Variants in TEAD1 observed in about 807,000 individuals in gnomAD.
The protein encoded by TEAD1 is transcriptional enhancer factor TEF-1.
A neutral mutation model predicts 54.9 loss-of-function variants in TEAD1; 9 were observed. The ratio of observed to expected loss-of-function variants is 0.16; its 90% CI spans 0.10 to 0.29. The LOEUF is 0.29. TEAD1 is among the 10% of genes least tolerant of loss of function. The pLI, the probability that TEAD1 is intolerant of heterozygous loss-of-function variation, is 1.00. For missense variants in TEAD1, 387 were observed against 535.9 expected, an observed-to-expected ratio of 0.72 and a Z score of 2.74; for synonymous variants, 200 against 187.8, an observed-to-expected ratio of 1.07 and a Z score of -0.53.
chr11:12,727,959 T>G (rs1944346881), intron 2 of TEAD1, among the ~76,000 whole-genome samples: 1 of 152,196 alleles, frequency 6.6e-6, no homozygotes, highest in African/African-American at 2.4e-5. Context: ...CATTAAATGC[T>G]TGAATGAATT....
chr11:12,789,685 C>G (rs1162976056), intron 3 of TEAD1, among the ~76,000 whole-genome samples: 2 of 152,252 alleles, frequency 1.3e-5, no homozygotes, highest in Non-Finnish European at 2.9e-5. Flanking sequence ...AGCCGAGAGT[C>G]TCCTGGGCTG....
chr11:12,700,584 C>G (rs1240559024), intron 2 of TEAD1, among the ~76,000 whole-genome samples: 1 of 152,214 alleles, frequency 6.6e-6, no homozygotes, highest in East Asian at 1.9e-4. Context: ...TTAAAAGCCA[C>G]ATTGATCTTA....
intron 2 of TEAD1, among the ~76,000 whole-genome samples, chr11:12,704,851 T>C (rs1943781650): frequency 6.6e-6 from 1 of 152,250 alleles, no homozygotes. Flanking sequence ...GTATTGCTTA[T>C]TCATTTTTGG....
chr11:12,707,326 CTA>C (rs1302465167), intron 2 of TEAD1, among the ~76,000 whole-genome samples: 4 of 152,028 alleles, frequency 2.6e-5, no homozygotes, highest in African/African-American at 7.2e-5. Context: ...CTGCCTGCCT[CTA>C]TGTGTCAAAA....
At chr11:12,813,370 C>T (rs1590176206) in intron 3 of TEAD1, among the ~76,000 whole-genome samples, 1 of 152,172 alleles carries the variant, frequency 6.6e-6, no homozygotes, top group South Asian at 2.1e-4. Flanking sequence ...ATTAGGGGAT[C>T]GCCGGGACAG....
At chr11:12,809,807 C>T (rs997386686) in intron 3 of TEAD1, among the ~76,000 whole-genome samples, 1 of 152,056 alleles carries the variant, frequency 6.6e-6, no homozygotes, top group Non-Finnish European at 1.5e-5. Context: ...TTAGCTGTGG[C>T]CAGAGGATCC....
intron 9 of TEAD1, among the ~76,000 whole-genome samples, chr11:12,884,359 T>A (rs1405852000): frequency 6.6e-6 from 1 of 152,170 alleles, no homozygotes; most frequent in African/African-American, 2.4e-5. Context: ...ACGTTCTCTA[T>A]CTCACCCCAT....
At chr11:12,808,796 C>T (rs781147127) in intron 3 of TEAD1, among the ~76,000 whole-genome samples, 1 of 152,158 alleles carries the variant, frequency 6.6e-6, no homozygotes, top group Non-Finnish European at 1.5e-5. Context: ...TTTTCTTTCT[C>T]ATTTTTGGTG....
At chr11:12,747,804 G>T (rs1268131498) in intron 2 of TEAD1, among the ~76,000 whole-genome samples, 1 of 152,156 alleles carries the variant, frequency 6.6e-6, no homozygotes, top group Non-Finnish European at 1.5e-5. Flanking sequence ...ACATCAGGTG[G>T]CTAATAATGT....
intron 2 of TEAD1, among the ~76,000 whole-genome samples, chr11:12,756,280 G>T (rs138840938): frequency 8.5e-5 from 13 of 152,296 alleles, no homozygotes; most frequent in African/African-American, 3.1e-4. Context: ...CTCACTGGCT[G>T]CTGCTGTCGT....
chr11:12,828,677 GA>G (rs1946707336), intron 3 of TEAD1, among the ~76,000 whole-genome samples: 2 of 44,000 alleles, frequency 4.5e-5, no homozygotes, highest in Admixed American at 4.7e-4. Context: ...TTAACTGAGT[GA>G]TTTTTTTTTT....
At chr11:12,849,161 C>T (rs1369686648) in intron 3 of TEAD1, 1 of 152,248 alleles carries the variant, frequency 6.6e-6, no homozygotes, top group Non-Finnish European at 1.5e-5. Context: ...GATTCTCCTG[C>T]CTCAGCCTCC....
intron 3 of TEAD1, among the ~76,000 whole-genome samples, chr11:12,807,991 G>A (rs1946213277): frequency 6.6e-6 from 1 of 152,114 alleles, no homozygotes; most frequent in Admixed American, 6.5e-5. Context: ...GAAGGATATG[G>A]TTTTTCTTCT....
In TEAD1 at chr11:12,903,464, G is replaced by A. The variant is rs144429517; in HGVS notation, c.873+1351G>A. ...TTTGCATATTAAATTAGTTTGTTTC[G>A]TTTCTTTTAGCCTTCCATGATAACT... On this transcript the variant is annotated intron_variant, in intron 10 of 12. Coordinates refer to ENST00000527636, the MANE Select transcript of TEAD1 (RefSeq NM_021961.6). Among the ~76,000 whole-genome samples, 304 of 152,300 alleles carry A rather than the reference G, an allele frequency of 2.0e-3. 2 individuals carry two copies. Among genetic ancestry groups the A allele is most frequent in the South Asian group, 3.9e-3 (19 of 4,822 alleles).
chr11:12,847,627 G>A lies in TEAD1; in HGVS notation c.203-14623G>A, dbSNP rs540166571. Among the ~76,000 whole-genome samples the A allele has an allele frequency of 2.9e-4, 44 of 152,268 alleles. 1 individual carries two copies. In the South Asian group the frequency reaches 6.2e-3, roughly 22 times the overall value. On this transcript the variant is annotated intron_variant, in intron 3 of 12. Coordinates refer to ENST00000527636, the MANE Select transcript of TEAD1 (RefSeq NM_021961.6). ...ACAAAAACTGATTTGCCCATGTAAC[G>A]TTTTAATTTTTTACGGATAGAATGT... is the stretch of plus-strand genomic sequence containing the variant.
chr11:12,720,976 T>C (rs1944183557), intron 2 of TEAD1, among the ~76,000 whole-genome samples: 1 of 152,242 alleles, frequency 6.6e-6, no homozygotes. Context: ...CAGTCTTGTG[T>C]GTACCTTGGA....
Position 12,773,351 on chromosome 11 carries a change from C to T in TEAD1, c.202+8917C>T, listed in dbSNP as rs538117723. The stretch of plus-strand genomic sequence containing the variant: ...TTCAGTATTTTTTTCTTTTAAACTG[C>T]CCAAGTGTTTTCCAGAGTAGTTGTA... On this transcript the variant is annotated intron_variant, in intron 3 of 12. Transcript: ENST00000527636. 4.6e-5 allele frequency among the ~76,000 whole-genome samples: 7 copies of T among 152,288 alleles called. 1 individual carries two copies. Among genetic ancestry groups the T allele is most frequent in the African/African-American group, 1.7e-4 (7 of 41,568 alleles).
At chr11:12,803,181 C>G (rs1314272980) in intron 3 of TEAD1, among the ~76,000 whole-genome samples, 2 of 152,056 alleles carry the variant, frequency 1.3e-5, no homozygotes, top group Non-Finnish European at 2.9e-5. Context: ...CCCCCTTTCC[C>G]CGAGAGGCTT....
chr11:12,817,560 C>T (rs568945681), intron 3 of TEAD1, among the ~76,000 whole-genome samples: 43 of 152,152 alleles, frequency 2.8e-4, no homozygotes, highest in Non-Finnish European at 4.3e-4. Flanking sequence ...CTTCATCATC[C>T]GTGTGCTGTC....
Sources: allele counts gnomAD v4.1 joint callset (sites outside exome capture counted in the v4.1 genomes callset), GRCh38; gene constraint gnomAD v4.1.1; transcripts MANE v1.5; gene names NCBI Gene and HGNC (gene_info 2026-07-23, HGNC 2026-07-21).